Variants in KLF12 observed in about 807,000 individuals in gnomAD.
KLF12 encodes Krueppel-like factor 12.
Under a neutral mutation model 37.8 loss-of-function variants are expected in KLF12, and 9 were observed. That is an observed-to-expected ratio of 0.24 (90% confidence interval 0.14 to 0.42). The LOEUF (loss-of-function observed/expected upper bound fraction) is 0.42. KLF12 is among the 10% of genes least tolerant of loss of function. The pLI, the probability that KLF12 is intolerant of heterozygous loss-of-function variation, is 1.00. For missense variants in KLF12, 411 were observed against 516.0 expected, an observed-to-expected ratio of 0.80 and a Z score of 1.97; for synonymous variants, 208 against 202.1, an observed-to-expected ratio of 1.03 and a Z score of -0.25.
intron 3 of KLF12, among the ~76,000 whole-genome samples, chr13:73,881,993 T>C (rs1032612104): frequency 2.0e-5 from 3 of 152,204 alleles, no homozygotes; most frequent in African/African-American, 7.2e-5. Context: ...ATTTGTGGCT[T>C]TGTCTACGAA....
the KLF12 span, among the ~76,000 whole-genome samples, chr13:74,223,447 A>G: frequency 6.6e-6 from 1 of 152,122 alleles, no homozygotes; most frequent in Non-Finnish European, 1.5e-5. Context: ...TTTACTCTGG[A>G]TTTCCCAGAT....
intron 2 of KLF12, among the ~76,000 whole-genome samples, chr13:73,946,813 C>T (rs571451146): frequency 3.3e-5 from 5 of 152,324 alleles, no homozygotes; most frequent in South Asian, 2.1e-4. Context: ...TCTGCATTCA[C>T]GGATCTAACC....
chr13:74,185,427 T>G, the KLF12 span, among the ~76,000 whole-genome samples: 1 of 152,134 alleles, frequency 6.6e-6, no homozygotes, highest in South Asian at 2.1e-4. Context: ...TCATCAATAT[T>G]TTTTTCCAAC....
the KLF12 span, among the ~76,000 whole-genome samples, chr13:74,179,387 T>C: frequency 1.3e-5 from 2 of 152,222 alleles, no homozygotes; most frequent in African/African-American, 2.4e-5. Context: ...GACAATAGCA[T>C]TGCATCAAGG....
intron 1 of KLF12, among the ~76,000 whole-genome samples, chr13:74,061,670 TCCCGAG>T (rs1873598469): frequency 6.6e-6 from 1 of 152,200 alleles, no homozygotes; most frequent in Non-Finnish European, 1.5e-5. Flanking sequence ...CTTCCAAGTA[TCCCGAG>T]GCTAATCTGA....
In KLF12 at chr13:74,133,795, C is replaced by CCT. The variant is rs1162537286; in HGVS notation, c.-90_-89dup. On this transcript the variant is annotated 5_prime_UTR_variant, in exon 1 of 8. Coordinates refer to ENST00000377669, the MANE Select transcript of KLF12 (RefSeq NM_007249.5). Reference sequence around the variant, plus strand: ...TTTTCTTTCCCTCACACAGAGTCCCCCTCTCTCTCTCCCTTTCTCTCTCTC... The same window carrying CCT: ...TTTTCTTTCCCTCACACAGAGTCCCCCTCTCTCTCTCTCCCTTTCTCTCTCTC... Among the ~76,000 whole-genome samples, 8 of 146,130 alleles carry CCT rather than the reference C, an allele frequency of 5.5e-5. 1 individual carries two copies. Among genetic ancestry groups the CCT allele is most frequent in the South Asian group, 4.4e-4 (2 of 4,520 alleles).
intron 3 of KLF12, among the ~76,000 whole-genome samples, chr13:73,939,622 G>C (rs765622591): frequency 6.6e-6 from 1 of 151,940 alleles, no homozygotes; most frequent in Non-Finnish European, 1.5e-5. Flanking sequence ...CAACATAAAC[G>C]AAAGTAATAG....
At chr13:73,726,810 T>C (rs1876702486) in intron 6 of KLF12, among the ~76,000 whole-genome samples, 1 of 152,234 alleles carries the variant, frequency 6.6e-6, no homozygotes, top group African/African-American at 2.4e-5. Context: ...TACCTAAGAG[T>C]AGAATTATTA....
chr13:74,169,886 G>T, the KLF12 span, among the ~76,000 whole-genome samples: 2 of 152,330 alleles, frequency 1.3e-5, no homozygotes, highest in African/African-American at 4.8e-5. Flanking sequence ...TAGTTTTACA[G>T]AAAAGCAGCT....
the KLF12 span, among the ~76,000 whole-genome samples, chr13:74,225,826 T>C: frequency 6.6e-6 from 1 of 152,170 alleles, no homozygotes; most frequent in Non-Finnish European, 1.5e-5. Context: ...TCTTGAAGGA[T>C]GAAAAGATGT....
At chr13:74,245,792 C>CA in the KLF12 span, among the ~76,000 whole-genome samples, 4 of 152,256 alleles carry the variant, frequency 2.6e-5, no homozygotes, top group Non-Finnish European at 4.4e-5. Flanking sequence ...ATTACTTAAC[C>CA]ACTTACCTCT....
chr13:74,188,222 C>T, the KLF12 span, among the ~76,000 whole-genome samples: 1 of 152,012 alleles, frequency 6.6e-6, no homozygotes, highest in African/African-American at 2.4e-5. Context: ...GTATTCTATC[C>T]ATGCCATAAT....
In KLF12 at chr13:73,846,254, T is replaced by C. The variant is rs1368074201; in HGVS notation, c.243A>G (p.Pro81=). Reference sequence around the variant, plus strand: ...TGGCTTTGTTTATTGACAAGTCCACTGGCTCAGTTTGTGTTTGGAAGTGAT... The same window carrying C: ...TGGCTTTGTTTATTGACAAGTCCACCGGCTCAGTTTGTGTTTGGAAGTGAT... The change falls in exon 4 of 8, where the codon CCA becomes CCG. Residue 81 remains proline, a synonymous_variant. Transcript: ENST00000377669. 5 of 1,614,004 alleles carry C rather than the reference T, an allele frequency of 3.1e-6. No individual in the cohort carries two copies. The highest frequency in any genetic ancestry group is 3.4e-6 in the Non-Finnish European group (4 of 1,180,020).
the KLF12 span, among the ~76,000 whole-genome samples, chr13:74,241,655 C>T: frequency 4.6e-5 from 7 of 152,204 alleles, no homozygotes; most frequent in Admixed American, 6.5e-5. Context: ...TCTCGTGGTG[C>T]GCCGTTTTTT....
intron 1 of KLF12, among the ~76,000 whole-genome samples, chr13:74,100,515 G>C (rs1876270748): frequency 1.3e-5 from 2 of 152,116 alleles, no homozygotes; most frequent in South Asian, 4.1e-4. Flanking sequence ...CTACTTGGGA[G>C]GCTGAGACAA....
the KLF12 span, among the ~76,000 whole-genome samples, chr13:74,142,443 G>T: frequency 2.0e-5 from 3 of 152,212 alleles, no homozygotes; most frequent in Non-Finnish European, 4.4e-5. Flanking sequence ...TGTGACCTTT[G>T]ACAGGTTGCT....
At chr13:73,747,780 C>G (rs1344386116) in intron 6 of KLF12, among the ~76,000 whole-genome samples, 1 of 152,148 alleles carries the variant, frequency 6.6e-6, no homozygotes, top group Non-Finnish European at 1.5e-5. Flanking sequence ...CTCGAAGTTA[C>G]AGAGTTAATA....
chr13:73,755,429 T>C (rs1285415084), intron 6 of KLF12, among the ~76,000 whole-genome samples: 2 of 152,176 alleles, frequency 1.3e-5, no homozygotes, highest in Non-Finnish European at 2.9e-5. Flanking sequence ...TACCTAAATA[T>C]ACCCTCTAGC....
chr13:74,176,920 A>G, the KLF12 span, among the ~76,000 whole-genome samples: 1 of 152,190 alleles, frequency 6.6e-6, no homozygotes, highest in Non-Finnish European at 1.5e-5. Context: ...TAAATTAATT[A>G]CACTTGCTGC....
Sources: gnomAD v4.1 joint callset for allele counts (sites outside exome capture counted in the v4.1 genomes callset) on GRCh38, gnomAD v4.1.1 for gene constraint, MANE v1.5 for transcripts, NCBI Gene and HGNC (gene_info 2026-07-23, HGNC 2026-07-21) for gene names.